The following MTR variants were observed in gnomAD, a reference collection of about 807,000 sequenced individuals.
The protein encoded by MTR is methionine synthase.
In MTR, 84 loss-of-function variants were observed where a neutral mutation model predicts 154.8. The observed-to-expected ratio is 0.54, with a 90% CI of 0.45 to 0.65. MTR has a LOEUF of 0.65. Ranked by LOEUF, MTR falls within the 30% of genes least tolerant of loss-of-function variation. MTR has a pLI of 0.00. For missense variants in MTR, 1,275 were observed against 1,570.2 expected (o/e 0.81, Z 3.18); for synonymous variants, 554 against 553.9 (o/e 1.00, Z 0.00).
At chr1:236,882,850 T>C (rs1412261809) in intron 25 of MTR, among the ~76,000 whole-genome samples, 1 of 152,182 alleles carries the variant, frequency 6.6e-6, no homozygotes, top group East Asian at 1.9e-4. Context: ...CATTTTGAAA[T>C]TGCTAAAACA....
chr1:236,877,799 A>G (rs1032287035), intron 24 of MTR, among the ~76,000 whole-genome samples: 2 of 152,232 alleles, frequency 1.3e-5, no homozygotes, highest in African/African-American at 2.4e-5. Context: ...TTCATTAGCT[A>G]TTGCCACATA....
intron 15 of MTR, among the ~76,000 whole-genome samples, chr1:236,847,490 C>T (rs900488837): frequency 6.6e-6 from 1 of 152,240 alleles, no homozygotes; most frequent in African/African-American, 2.4e-5. Flanking sequence ...GTAAAGCCTT[C>T]TACTCACTGG....
intron 28 of MTR, among the ~76,000 whole-genome samples, chr1:236,890,565 G>A (rs1486574148): frequency 6.6e-6 from 1 of 152,156 alleles, no homozygotes; most frequent in Non-Finnish European, 1.5e-5. Context: ...CATACAGTGA[G>A]GATTTACCGA....
chr1:236,897,310 G>GCGCGCGCGCACGCGCGCGCACACACACA lies in MTR; in HGVS notation c.3711+193_3711+194insGCGCGCGCACGCGCGCGCACACACACAC. 7.6e-3 allele frequency among the ~76,000 whole-genome samples: 980 copies of GCGCGCGCGCACGCGCGCGCACACACACA among 128,624 alleles called. 9 individuals carry two copies. The highest frequency in any genetic ancestry group is 0.022 in the South Asian group (80 of 3,654). 84.4% of individuals were successfully genotyped at this position (128,624 alleles called of 152,430 possible). A position where few individuals can be genotyped will look rare whatever the true frequency, so the allele number is the denominator to read the frequency against. Reference sequence around the variant, plus strand: ...ACTTCTACATGCAAGCCACACACACGCACACACACACACACACACACACAC... The same window carrying GCGCGCGCGCACGCGCGCGCACACACACA: ...ACTTCTACATGCAAGCCACACACACGCGCGCGCGCACGCGCGCGCACACACACACACACACACACACACACACACACAC... On this transcript the variant is annotated intron_variant, in intron 32 of 32. Transcript: ENST00000366577.
intron 18 of MTR, among the ~76,000 whole-genome samples, chr1:236,858,753 T>C (rs1664350131): frequency 6.6e-6 from 1 of 152,062 alleles, no homozygotes; most frequent in African/African-American, 2.4e-5. Flanking sequence ...TGAATGGAGA[T>C]TCAAAGGTGA....
intron 8 of MTR, among the ~76,000 whole-genome samples, chr1:236,821,503 A>T (rs1425909290): frequency 6.6e-6 from 1 of 152,166 alleles, no homozygotes; most frequent in East Asian, 1.9e-4. Flanking sequence ...ATTTTCTCCC[A>T]GCCTGTGGTT....
intron 29 of MTR, among the ~76,000 whole-genome samples, chr1:236,891,893 C>T (rs951589970): frequency 1.3e-5 from 2 of 152,048 alleles, no homozygotes; most frequent in Non-Finnish European, 2.9e-5. Flanking sequence ...TTGTGCTGGG[C>T]CCCCCAATAT....
In MTR at chr1:236,903,395, C is replaced by G. The variant is rs1558358507; in HGVS notation, c.*5751C>G. The G allele has an allele frequency of 1.3e-5, 2 of 152,194 alleles. No individual in the cohort carries two copies. The highest frequency in any genetic ancestry group is 4.8e-5 in the African/African-American group (2 of 41,456). The allele number at this position is 152,194 out of a possible 1,614,324, so 9.4% of individuals were successfully genotyped here. A position where few individuals can be genotyped will look rare whatever the true frequency, so the allele number is the denominator to read the frequency against. ...AAATGAAGTAACCCCTAAACTCAGCCAGTCCCATGTTTTTTTAACACTTGG... is the reference window on the plus strand; with the variant it reads ...AAATGAAGTAACCCCTAAACTCAGCGAGTCCCATGTTTTTTTAACACTTGG... On this transcript the variant is annotated 3_prime_UTR_variant, in exon 33 of 33. Transcript: ENST00000366577.
intron 27 of MTR, among the ~76,000 whole-genome samples, chr1:236,887,008 AC>A (rs1666048459): frequency 6.6e-6 from 1 of 151,914 alleles, no homozygotes; most frequent in Non-Finnish European, 1.5e-5. Context: ...ATTTCTAGCC[AC>A]CTTTCTTGCC....
At chr1:236,825,257 A>T in intron 9 of MTR, 81 bp from the exon 10 acceptor site, 1 of 961,508 alleles carries the variant, frequency 1.0e-6, no homozygotes, top group Non-Finnish European at 1.6e-6. Flanking sequence ...AAAATTATAT[A>T]GTTATTAACA....
At chr1:236,862,647 G>GT (rs1427626461) in intron 21 of MTR, among the ~76,000 whole-genome samples, 1 of 152,186 alleles carries the variant, frequency 6.6e-6, no homozygotes, top group African/African-American at 2.4e-5. Flanking sequence ...CTGCTGTGAT[G>GT]TGCCAAGTAC....
At chr1:236,826,136 G>A (rs1662274112) in intron 10 of MTR, among the ~76,000 whole-genome samples, 1 of 152,038 alleles carries the variant, frequency 6.6e-6, no homozygotes, top group African/African-American at 2.4e-5. Flanking sequence ...TGTGACAGAG[G>A]AACTGAATTG....
At chr1:236,858,457 C>T (rs1664331301) in intron 18 of MTR, among the ~76,000 whole-genome samples, 1 of 152,140 alleles carries the variant, frequency 6.6e-6, no homozygotes, top group Admixed American at 6.5e-5. Flanking sequence ...GGGGTCACAG[C>T]CAAACCATCT....
At chr1:236,896,231 C>T (rs1666617068) in intron 31 of MTR, among the ~76,000 whole-genome samples, 1 of 152,144 alleles carries the variant, frequency 6.6e-6, no homozygotes, top group African/African-American at 2.4e-5. Flanking sequence ...GTCATTACTG[C>T]AGAGTTCATG....
intron 8 of MTR, 141 bp downstream of exon 8, chr1:236,816,684 T>C: frequency 2.6e-6 from 2 of 763,696 alleles, no homozygotes; most frequent in Non-Finnish European, 4.6e-6. Flanking sequence ...TTTAAGTACT[T>C]TCAGACTTTT....
chr1:236,841,588 G>A (rs1572245910), intron 15 of MTR, among the ~76,000 whole-genome samples: 1 of 151,928 alleles, frequency 6.6e-6, no homozygotes, highest in Non-Finnish European at 1.5e-5. Flanking sequence ...TTCCTCCTGG[G>A]GTTCCATTGC....
In MTR at chr1:236,902,810, G is replaced by C. The variant is rs1394028628; in HGVS notation, c.*5166G>C. ...CAAGTGATACTTTCTTTACCGTCCC[G>C]TGAAGACAGCATATTGGCAGCCCTG... On this transcript the variant is annotated 3_prime_UTR_variant, in exon 33 of 33. Transcript: ENST00000366577. 1 of 152,078 alleles carries C rather than the reference G, an allele frequency of 6.6e-6. No homozygotes were observed. The highest frequency in any genetic ancestry group is 1.5e-5 in the Non-Finnish European group (1 of 68,062). 9.4% of individuals were successfully genotyped at this position (152,078 alleles called of 1,614,324 possible).
chr1:236,888,546 A>G (rs1409627223), intron 27 of MTR, among the ~76,000 whole-genome samples: 1 of 152,260 alleles, frequency 6.6e-6, no homozygotes. Context: ...AACAGAGGTT[A>G]TATTAATTGA....
chr1:236,843,086 CAAAAAAAAA>C (rs563953592), intron 15 of MTR, among the ~76,000 whole-genome samples: 1 of 74,554 alleles, frequency 1.3e-5, no homozygotes, highest in Middle Eastern at 9.1e-3. Context: ...ACTCTGTCTC[CAAAAAAAAA>C]AAAAAAAAAG....
Sources: gnomAD v4.1 joint callset for allele counts (sites outside exome capture counted in the v4.1 genomes callset) on GRCh38, gnomAD v4.1.1 for gene constraint, MANE v1.5 for transcripts, NCBI Gene and HGNC (gene_info 2026-07-23, HGNC 2026-07-21) for gene names.